MPHOSPH10: variants seen among roughly 807,000 people sequenced by gnomAD.
MPHOSPH10 encodes the protein M-phase phosphoprotein 10.
Under a neutral mutation model 77.3 loss-of-function variants are expected in MPHOSPH10, and 33 were observed. The ratio of observed to expected loss-of-function variants is 0.43; its 90% CI spans 0.32 to 0.57. The LOEUF (loss-of-function observed/expected upper bound fraction) is 0.57. Ranked by LOEUF, MPHOSPH10 falls within the 20% of genes least tolerant of loss-of-function variation. The pLI is 0.07. For synonymous variants in MPHOSPH10, 245 were observed against 268.0 expected, an observed-to-expected ratio of 0.91 and a Z score of 0.84; for missense variants, 708 against 780.1, an observed-to-expected ratio of 0.91 and a Z score of 1.10.
rs773313929 is a variant in MPHOSPH10 at position 71,149,887 on chromosome 2, T to G, written c.1918T>G (p.Leu640Val). Residue 640 changes from leucine to valine, a missense_variant, in exon 11 of 11, where the codon TTA (leucine) becomes GTA (valine). This residue lies in a region of MPHOSPH10 where 263 missense variants were observed against 320.0 expected (regional missense o/e 0.82). Coordinates refer to ENST00000244230, the MANE Select transcript of MPHOSPH10 (RefSeq NM_005791.3). ...FIKDEGKDKA[L>V]KSSQAFFSKL... The stretch of plus-strand genomic sequence containing the variant: ...GCAGGATGAAGGTAAAGACAAGGCC[T>G]TAAAGTCCTCTCAAGCATTCTTTTC... 1.9e-6 allele frequency: 3 copies of G among 1,565,086 alleles called. No homozygotes were observed. Among genetic ancestry groups the G allele is most frequent in the Admixed American group, 2.2e-5 (1 of 45,330 alleles).
intron 1 of MPHOSPH10, among the ~76,000 whole-genome samples, chr2:71,132,289 T>G (rs1476185281): frequency 1.3e-5 from 2 of 152,156 alleles, no homozygotes; most frequent in African/African-American, 4.8e-5. Flanking sequence ...TGTTTTCTCT[T>G]TACACTTTAA....
chr2:71,141,154 T>A (rs1320942466), intron 6 of MPHOSPH10, 78 bp from the exon 7 acceptor site: 1 of 845,598 alleles, frequency 1.2e-6, no homozygotes, highest in Non-Finnish European at 1.6e-6. Context: ...TATAATAATA[T>A]TCCAGAGGAA....
At chr2:71,146,190 A>G (rs944330307) in intron 8 of MPHOSPH10, among the ~76,000 whole-genome samples, 1 of 152,188 alleles carries the variant, frequency 6.6e-6, no homozygotes, top group Non-Finnish European at 1.5e-5. Flanking sequence ...ATGTGCCCAA[A>G]TGAAAAGCCT....
At chr2:71,141,172 A>G in intron 6 of MPHOSPH10, 60 bp from the exon 7 acceptor site, 2 of 1,176,490 alleles carry the variant, frequency 1.7e-6, no homozygotes, top group Non-Finnish European at 2.2e-6. Flanking sequence ...GAAGATTCTT[A>G]AGTGAACCTA....
At chr2:71,132,271 G>A (rs1364240273) in intron 1 of MPHOSPH10, among the ~76,000 whole-genome samples, 1 of 151,950 alleles carries the variant, frequency 6.6e-6, no homozygotes, top group African/African-American at 2.4e-5. Flanking sequence ...TCATCCCTCT[G>A]CTTAAAATGT....
Position 71,133,774 on chromosome 2 carries a change from T to C in MPHOSPH10, c.769-174T>C, listed in dbSNP as rs79763473. 0.036 allele frequency among the ~76,000 whole-genome samples: 5,528 copies of C among 152,320 alleles called. 605 individuals are homozygous for C. In the East Asian group the frequency reaches 0.43, roughly 12 times the overall value. The stretch of plus-strand genomic sequence containing the variant: ...TATAATTTTGTGGTAGTGTTATTAG[T>C]TGCCATTTTCACCTAATAATTATTT... On this transcript the variant is annotated intron_variant, in intron 2 of 10. Coordinates refer to ENST00000244230, the MANE Select transcript of MPHOSPH10 (RefSeq NM_005791.3).
At chr2:71,144,586 A>C in intron 8 of MPHOSPH10, 48 bp downstream of exon 8, 1 of 1,354,648 alleles carries the variant, frequency 7.4e-7, no homozygotes, top group South Asian at 1.2e-5. Context: ...GGTGACCTTC[A>C]TAGCTTTGAT....
Position 71,138,651 on chromosome 2 carries a change from A to G in MPHOSPH10, c.1240+20A>G. ...GGATGGGTATGGTGCCCTCTTCTGTAGTTTTCATGTCTGTGCTTTTTCCAT... is the reference window on the plus strand; with the variant it reads ...GGATGGGTATGGTGCCCTCTTCTGTGGTTTTCATGTCTGTGCTTTTTCCAT... On this transcript the variant is annotated intron_variant, in intron 5 of 10. Coordinates refer to ENST00000244230, the MANE Select transcript of MPHOSPH10 (RefSeq NM_005791.3). 6.2e-7 allele frequency: 1 copy of G among 1,614,052 alleles called. No homozygotes were observed. Among genetic ancestry groups the G allele is most frequent in the Non-Finnish European group, 8.5e-7 (1 of 1,179,954 alleles).
chr2:71,135,415 C>T (rs1011873608), intron 4 of MPHOSPH10, among the ~76,000 whole-genome samples: 3 of 149,504 alleles, frequency 2.0e-5, no homozygotes, highest in Admixed American at 6.7e-5. Context: ...GGTGTGGTGG[C>T]GGGCACCTGT....
chr2:71,138,811 G>A, intron 5 of MPHOSPH10, 180 bp downstream of exon 5: 1 of 811,598 alleles, frequency 1.2e-6, no homozygotes, highest in Non-Finnish European at 2.0e-6. Flanking sequence ...GAGGCAGACG[G>A]ATCACCTGAG....
At chr2:71,134,914 C>A in intron 4 of MPHOSPH10, 117 bp downstream of exon 4, 2 of 837,780 alleles carry the variant, frequency 2.4e-6, no homozygotes, top group South Asian at 1.8e-5. Flanking sequence ...CGCCTGTAAT[C>A]CTAACACTTT....
chr2:71,144,575 G>T, intron 8 of MPHOSPH10, 37 bp downstream of exon 8: 1 of 1,464,750 alleles, frequency 6.8e-7, no homozygotes, highest in Non-Finnish European at 9.5e-7. Context: ...AGCTAGAGCA[G>T]GGTGACCTTC....
chr2:71,144,346 A>C (rs1673668849), intron 7 of MPHOSPH10, 82 bp from the exon 8 acceptor site: 1 of 1,024,114 alleles, frequency 9.8e-7, no homozygotes, highest in Non-Finnish European at 1.4e-6. Context: ...GAAGTTAGAA[A>C]TACTCTCATT....
chr2:71,149,546 C>A, intron 10 of MPHOSPH10, 93 bp downstream of exon 10: 1 of 1,178,802 alleles, frequency 8.5e-7, no homozygotes, highest in Non-Finnish European at 1.2e-6. Context: ...AGCCAGCTGA[C>A]AGCCCACCTG....
chr2:71,138,343 G>T, intron 4 of MPHOSPH10, 147 bp from the exon 5 acceptor site: 1 of 651,312 alleles, frequency 1.5e-6, no homozygotes, highest in Non-Finnish European at 2.6e-6. Context: ...GAAATAGGAA[G>T]TCATCGACAG....
intron 9 of MPHOSPH10, 43 bp downstream of exon 9, chr2:71,148,149 A>G (rs775310361): frequency 1.3e-6 from 2 of 1,498,754 alleles, no homozygotes; most frequent in Non-Finnish European, 1.9e-6. Context: ...GTTACAAGTT[A>G]GTTGATCATA....
At chr2:71,146,527 G>A (rs895388853) in intron 8 of MPHOSPH10, among the ~76,000 whole-genome samples, 3 of 151,736 alleles carry the variant, frequency 2.0e-5, no homozygotes, top group Non-Finnish European at 2.9e-5. Context: ...TAGTAGAGAC[G>A]GGGTTTCACC....
chr2:71,131,699 C>T (rs566454364), intron 1 of MPHOSPH10, among the ~76,000 whole-genome samples: 22 of 152,042 alleles, frequency 1.4e-4, no homozygotes, highest in African/African-American at 4.3e-4. Context: ...CAGAGGAGGA[C>T]GGGGTCACAA....
Position 71,134,638 on chromosome 2 carries a change from T to A in MPHOSPH10, c.939T>A (p.Asp313Glu). 6.2e-7 allele frequency: 1 copy of A among 1,601,644 alleles called. No individual in the cohort carries two copies. Among genetic ancestry groups the A allele is most frequent in the Non-Finnish European group, 8.5e-7 (1 of 1,176,614 alleles). Residue 313 changes from aspartate (D) to glutamate (E), a missense_variant, in exon 4 of 11, where the codon GAT becomes GAA. By Grantham distance (45) the Asp-to-Glu change is conservative. Coordinates refer to ENST00000244230, the MANE Select transcript of MPHOSPH10 (RefSeq NM_005791.3). Reference sequence around the variant, plus strand: ...TTTGGTATTGTAGGGATGAAGATGATGACCTTCAAGAAAATGAAGACAATA... The same window carrying A: ...TTTGGTATTGTAGGGATGAAGATGAAGACCTTCAAGAAAATGAAGACAATA... ...ELSISETDEDDDLQENEDNKQ... is the reference protein window; with the variant it reads ...ELSISETDEDEDLQENEDNKQ...
Sources: allele counts gnomAD v4.1 joint callset (sites outside exome capture counted in the v4.1 genomes callset), GRCh38; gene constraint gnomAD v4.1.1; regional missense constraint gnomAD v4.1.1; transcripts MANE v1.5; gene names NCBI Gene and HGNC (gene_info 2026-07-23, HGNC 2026-07-21).